Variants in EXOC4 observed in about 807,000 individuals in gnomAD.
EXOC4 encodes the protein exocyst complex component 4.
In EXOC4, 71 loss-of-function variants were observed where a neutral mutation model predicts 107.2. The observed-to-expected ratio is 0.66, with a 90% CI of 0.55 to 0.81. EXOC4 has a LOEUF of 0.81. Among genes scored for constraint, EXOC4 ranks in the 30% least tolerant of loss-of-function variants. The pLI is 0.00. For missense variants in EXOC4, 1,108 were observed against 1,189.6 expected (o/e 0.93, Z 1.01); for synonymous variants, 456 against 441.2 (o/e 1.03, Z -0.42).
chr7:133,687,979 G>A (rs1054280552), intron 10 of EXOC4, among the ~76,000 whole-genome samples: 6 of 152,166 alleles, frequency 3.9e-5, no homozygotes, highest in African/African-American at 1.4e-4. Flanking sequence ...ATACAGGCAT[G>A]TGTGAAATTT....
Position 133,833,434 on chromosome 7 carries a change from A to G in EXOC4, c.1734+15890A>G, listed in dbSNP as rs545628117. 2.6e-5 allele frequency among the ~76,000 whole-genome samples: 4 copies of G among 152,362 alleles called. No individual in the cohort carries two copies. The South Asian group carries it at 8.3e-4, about 32-fold the overall frequency. On this transcript the variant is annotated intron_variant, in intron 11 of 17. Transcript: ENST00000253861. ...AGCTAAACCCGAAGGAGTGTACCAA[A>G]TAGTAAATGAAATCTTCCTTTGTCA... is the stretch of plus-strand genomic sequence containing the variant.
At chr7:133,926,042 CAAAAAAAAAAAA>C (rs552126104) in intron 13 of EXOC4, among the ~76,000 whole-genome samples, 1 of 104,712 alleles carries the variant, frequency 9.6e-6, no homozygotes, top group Non-Finnish European at 1.9e-5. Flanking sequence ...GACTCCGTCT[CAAAAAAAAAAAA>C]AAAAAAAGAA....
chr7:133,442,444 G>C (rs1798125441), intron 7 of EXOC4, among the ~76,000 whole-genome samples: 1 of 152,148 alleles, frequency 6.6e-6, no homozygotes, highest in African/African-American at 2.4e-5. Context: ...CTCCACTTCA[G>C]AGAGCCCCCA....
intron 12 of EXOC4, among the ~76,000 whole-genome samples, chr7:133,900,098 T>C (rs1173891284): frequency 1.3e-5 from 2 of 152,152 alleles, no homozygotes; most frequent in African/African-American, 4.8e-5. Flanking sequence ...TGCTTCTTAG[T>C]GTGTCCTATC....
At chr7:133,914,140 G>A (rs183004614) in intron 12 of EXOC4, among the ~76,000 whole-genome samples, 1 of 152,332 alleles carries the variant, frequency 6.6e-6, no homozygotes, top group African/African-American at 2.4e-5. Flanking sequence ...CCTGTCAGAA[G>A]TTTGGTGCGA....
chr7:133,334,820 GTTGT>G (rs1466077017), intron 5 of EXOC4, among the ~76,000 whole-genome samples: 1 of 151,954 alleles, frequency 6.6e-6, no homozygotes, highest in Non-Finnish European at 1.5e-5. Context: ...GAGAACATGT[GTTGT>G]TTGATTTTCT....
At chr7:133,972,529 A>G (rs1801266867) in intron 14 of EXOC4, among the ~76,000 whole-genome samples, 1 of 152,242 alleles carries the variant, frequency 6.6e-6, no homozygotes, top group Admixed American at 6.5e-5. Flanking sequence ...AATAGGTATA[A>G]TGACATTATA....
chr7:133,302,978 T>C (rs1205809892), intron 3 of EXOC4, among the ~76,000 whole-genome samples: 1 of 152,234 alleles, frequency 6.6e-6, no homozygotes, highest in Non-Finnish European at 1.5e-5. Context: ...ACGATTATTT[T>C]ATTATTTCTA....
chr7:133,749,973 T>G (rs1562981917), intron 10 of EXOC4, among the ~76,000 whole-genome samples: 2 of 147,272 alleles, frequency 1.4e-5, no homozygotes, highest in East Asian at 4.0e-4. Context: ...TTTTTTTTTT[T>G]TTTTTTTTTT....
chr7:133,774,925 GAATA>G (rs1267156307), intron 10 of EXOC4, among the ~76,000 whole-genome samples: 4 of 150,370 alleles, frequency 2.7e-5, no homozygotes, highest in Non-Finnish European at 5.9e-5. Flanking sequence ...TTTATTAGTT[GAATA>G]AATAAGGATG....
chr7:133,561,228 T>C (rs1203731660), intron 9 of EXOC4, among the ~76,000 whole-genome samples: 3 of 152,212 alleles, frequency 2.0e-5, no homozygotes, highest in African/African-American at 7.2e-5. Flanking sequence ...TAATCTCTGT[T>C]GTGGGAAGTG....
intron 9 of EXOC4, among the ~76,000 whole-genome samples, chr7:133,487,626 T>G (rs1799293081): frequency 6.6e-6 from 1 of 152,130 alleles, no homozygotes; most frequent in Admixed American, 6.5e-5. Flanking sequence ...GGAGAATTGC[T>G]TGAACCTAGG....
chr7:133,985,165 A>G (rs1050909749), intron 14 of EXOC4, among the ~76,000 whole-genome samples: 2 of 152,190 alleles, frequency 1.3e-5, no homozygotes, highest in Non-Finnish European at 2.9e-5. Context: ...CTAAAAAGTT[A>G]TATTGTCCAT....
At chr7:134,086,049 G>T in the EXOC4 span, among the ~76,000 whole-genome samples, 2 of 152,154 alleles carry the variant, frequency 1.3e-5, no homozygotes, top group South Asian at 4.1e-4. Context: ...GTACCCCTTG[G>T]CTAAGGCTAG....
chr7:133,505,764 T>G, intron 9 of EXOC4, among the ~76,000 whole-genome samples: 1 of 152,150 alleles, frequency 6.6e-6, no homozygotes. Context: ...AGCTTGATGT[T>G]CTGTAGTTAG....
intron 9 of EXOC4, among the ~76,000 whole-genome samples, chr7:133,488,749 A>G (rs1473564080): frequency 6.6e-6 from 1 of 152,082 alleles, no homozygotes; most frequent in African/African-American, 2.4e-5. Flanking sequence ...GCCCATAGAA[A>G]GAAGGATGGA....
intron 9 of EXOC4, among the ~76,000 whole-genome samples, chr7:133,576,015 C>T (rs1304426867): frequency 6.6e-6 from 1 of 152,208 alleles, no homozygotes; most frequent in Non-Finnish European, 1.5e-5. Flanking sequence ...CCTCCGCTTA[C>T]TCCTTCAGCT....
At chr7:134,016,685 C>A (rs1485370535) in intron 17 of EXOC4, among the ~76,000 whole-genome samples, 2 of 152,212 alleles carry the variant, frequency 1.3e-5, no homozygotes, top group Non-Finnish European at 2.9e-5. Context: ...CAGGAATGAT[C>A]TCTGGCATAG....
intron 12 of EXOC4, 94 bp downstream of exon 12, chr7:133,895,829 G>A (rs1216494232): frequency 2.4e-5 from 33 of 1,357,950 alleles, no homozygotes; most frequent in Non-Finnish European, 3.4e-5. Context: ...TTTCCAAAAG[G>A]ATCATCTCTG....
Sources: allele counts gnomAD v4.1 joint callset (sites outside exome capture counted in the v4.1 genomes callset), GRCh38; gene constraint gnomAD v4.1.1; transcripts MANE v1.5; gene names NCBI Gene and HGNC (gene_info 2026-07-23, HGNC 2026-07-21).